Variants in DMRT1 observed in about 807,000 individuals in gnomAD.
DMRT1 encodes doublesex- and mab-3-related transcription factor 1.
Under a neutral mutation model 32.3 loss-of-function variants are expected in DMRT1, and 7 were observed. The ratio of observed to expected loss-of-function variants is 0.22; its 90% CI spans 0.12 to 0.41. The LOEUF (loss-of-function observed/expected upper bound fraction) is 0.41. Ranked by LOEUF, DMRT1 falls within the 10% of genes least tolerant of loss-of-function variation. DMRT1 has a pLI of 1.00. For synonymous variants in DMRT1, 278 were observed against 206.1 expected (o/e 1.35, Z -2.99); for missense variants, 625 against 500.5 (o/e 1.25, Z -2.37).
intron 3 of DMRT1, among the ~76,000 whole-genome samples, chr9:907,558 A>G (rs904376674): frequency 6.6e-6 from 1 of 152,158 alleles, no homozygotes; most frequent in African/African-American, 2.4e-5. Flanking sequence ...GCTTTTTCTT[A>G]CTGTTTACCT....
intron 2 of DMRT1, among the ~76,000 whole-genome samples, chr9:873,859 A>G (rs541595086): frequency 3.9e-5 from 6 of 152,322 alleles, no homozygotes; most frequent in African/African-American, 1.4e-4. Flanking sequence ...TGGAAGTGAG[A>G]AAAAGAAAAG....
intron 2 of DMRT1, among the ~76,000 whole-genome samples, chr9:878,208 C>CCCCG (rs1554749505): frequency 4.8e-5 from 6 of 124,882 alleles, no homozygotes; most frequent in African/African-American, 1.8e-4. Context: ...CTGCCCCCCC[C>CCCCG]CCACCCAATA....
intron 2 of DMRT1, among the ~76,000 whole-genome samples, chr9:862,329 G>T (rs1019724874): frequency 6.6e-6 from 1 of 152,146 alleles, no homozygotes; most frequent in Non-Finnish European, 1.5e-5. Flanking sequence ...GCGAAACCCC[G>T]TCTCCACCGA....
At chr9:907,748 C>G (rs1817827729) in intron 3 of DMRT1, among the ~76,000 whole-genome samples, 1 of 151,980 alleles carries the variant, frequency 6.6e-6, no homozygotes, top group Admixed American at 6.6e-5. Flanking sequence ...GCAATGAATT[C>G]TTATATACAG....
At chr9:857,317 T>TC (rs1815440595) in intron 2 of DMRT1, among the ~76,000 whole-genome samples, 1 of 51,958 alleles carries the variant, frequency 1.9e-5, no homozygotes, top group African/African-American at 4.3e-5. Flanking sequence ...AAAAAAAATA[T>TC]ATATATGTGT....
intron 4 of DMRT1, among the ~76,000 whole-genome samples, chr9:947,971 T>TTGC (rs1180109905): frequency 2.0e-5 from 3 of 152,346 alleles, no homozygotes; most frequent in Admixed American, 2.0e-4. Context: ...CCAGGAGCCC[T>TTGC]TGCTGCTGCT....
chr9:861,051 T>C (rs1190016745), intron 2 of DMRT1, among the ~76,000 whole-genome samples: 4 of 24,892 alleles, frequency 1.6e-4, no homozygotes, highest in Non-Finnish European at 2.4e-4. Context: ...ATTTACTTTC[T>C]TTTTTTTTTT....
chr9:883,071 C>T lies in DMRT1; in HGVS notation c.539-10841C>T, dbSNP rs575240299. On this transcript the variant is annotated intron_variant, in intron 2 of 4. Coordinates refer to ENST00000382276, the MANE Select transcript of DMRT1 (RefSeq NM_021951.3). Reference sequence around the variant, plus strand: ...ACAGGCATGAGCCACCAAGCCTGCCCACCCCACCCTTTTCACTCTTTCACT... The same window carrying T: ...ACAGGCATGAGCCACCAAGCCTGCCTACCCCACCCTTTTCACTCTTTCACT... 5.2e-4 allele frequency among the ~76,000 whole-genome samples: 79 copies of T among 152,062 alleles called. 1 individual carries two copies. The South Asian group carries it at 7.7e-3, about 15-fold the overall frequency.
At chr9:914,616 A>G (rs1013838108) in intron 3 of DMRT1, among the ~76,000 whole-genome samples, 18 of 151,414 alleles carry the variant, frequency 1.2e-4, no homozygotes, top group African/African-American at 4.4e-4. Flanking sequence ...TAATGGTAGA[A>G]AGTGAAAACG....
intron 4 of DMRT1, among the ~76,000 whole-genome samples, chr9:925,841 T>G (rs1311991546): frequency 6.6e-6 from 1 of 152,178 alleles, no homozygotes; most frequent in Non-Finnish European, 1.5e-5. Context: ...GGGGTCCTGT[T>G]CCAGTGTGGC....
intron 3 of DMRT1, among the ~76,000 whole-genome samples, chr9:896,034 C>A (rs1256337349): frequency 6.6e-6 from 1 of 151,804 alleles, no homozygotes; most frequent in Non-Finnish European, 1.5e-5. Flanking sequence ...GTATCTCTTG[C>A]CCTTGTGATT....
chr9:922,861 A>G (rs1401484030), intron 4 of DMRT1, among the ~76,000 whole-genome samples: 1 of 151,096 alleles, frequency 6.6e-6, no homozygotes, highest in Admixed American at 6.6e-5. Context: ...AGTTCCGTGA[A>G]GCGAGTTGCA....
chr9:915,790 T>A (rs1168294700), intron 3 of DMRT1, among the ~76,000 whole-genome samples: 1 of 152,056 alleles, frequency 6.6e-6, no homozygotes, highest in Non-Finnish European at 1.5e-5. Flanking sequence ...TGGAGTGCAG[T>A]GGCGCGATCT....
At chr9:849,587 C>T (rs928644660) in intron 2 of DMRT1, among the ~76,000 whole-genome samples, 2 of 152,164 alleles carry the variant, frequency 1.3e-5, no homozygotes, top group East Asian at 3.8e-4. Context: ...GGGAAAGTTA[C>T]AAAAGGAAGC....
intron 3 of DMRT1, among the ~76,000 whole-genome samples, chr9:914,332 T>G (rs1818095923): frequency 6.6e-6 from 1 of 152,080 alleles, no homozygotes; most frequent in South Asian, 2.1e-4. Flanking sequence ...CCCAGCACTT[T>G]GGGAGGCCGA....
At chr9:849,367 TGCCATTCTATCTTG>T (rs1191351674) in intron 2 of DMRT1, among the ~76,000 whole-genome samples, 2 of 152,228 alleles carry the variant, frequency 1.3e-5, no homozygotes. Flanking sequence ...AAAAAGTCCC[TGCCATTCTATCTTG>T]GCAGAGAAGA....
chr9:937,425 G>A (rs965748278), intron 4 of DMRT1, among the ~76,000 whole-genome samples: 1 of 152,194 alleles, frequency 6.6e-6, no homozygotes, highest in African/African-American at 2.4e-5. Context: ...CTGCCAAACT[G>A]GTTTCCACAG....
chr9:948,394 C>A (rs1292165970), intron 4 of DMRT1, among the ~76,000 whole-genome samples: 4 of 152,084 alleles, frequency 2.6e-5, no homozygotes, highest in Non-Finnish European at 5.9e-5. Flanking sequence ...CTGGGAAAAA[C>A]GAGATTTCTT....
chr9:897,316 C>T (rs555082573), intron 3 of DMRT1, among the ~76,000 whole-genome samples: 3 of 151,720 alleles, frequency 2.0e-5, no homozygotes, highest in Admixed American at 6.6e-5. Context: ...TGGTGTTTCA[C>T]CATGTTAGCC....
Sources: allele counts gnomAD v4.1 joint callset (sites outside exome capture counted in the v4.1 genomes callset), GRCh38; gene constraint gnomAD v4.1.1; transcripts MANE v1.5; gene names NCBI Gene and HGNC (gene_info 2026-07-23, HGNC 2026-07-21).